The following ELOVL7 variants were observed in gnomAD, a reference collection of about 807,000 sequenced individuals.
ELOVL7 encodes ELOVL fatty acid elongase 7.
A neutral mutation model predicts 35.7 loss-of-function variants in ELOVL7; 27 were observed. The ratio of observed to expected loss-of-function variants is 0.76; its 90% CI spans 0.56 to 1.04. The LOEUF (loss-of-function observed/expected upper bound fraction) is 1.04, where lower values mean the gene tolerates loss of function less well. Ranked by LOEUF, ELOVL7 falls within the 50% of genes least tolerant of loss-of-function variation. ELOVL7 has a pLI of 0.00. For missense variants in ELOVL7, 327 were observed against 340.8 expected (o/e 0.96, Z 0.32); for synonymous variants, 113 against 114.6 (o/e 0.99, Z 0.09).
At chr5:60,835,444 C>T (rs932753503) in intron 1 of ELOVL7, among the ~76,000 whole-genome samples, 23 of 151,862 alleles carry the variant, frequency 1.5e-4, no homozygotes, top group African/African-American at 5.6e-4. Flanking sequence ...CAGGGTCTCA[C>T]TCTGTCATCG....
At chr5:60,790,593 T>C (rs1481950533) in intron 2 of ELOVL7, among the ~76,000 whole-genome samples, 1 of 152,208 alleles carries the variant, frequency 6.6e-6, no homozygotes, top group Non-Finnish European at 1.5e-5. Context: ...CAAGACTGGC[T>C]GTGGTGATGC....
At chr5:60,791,905 AT>A (rs201165009) in intron 2 of ELOVL7, among the ~76,000 whole-genome samples, 3 of 152,070 alleles carry the variant, frequency 2.0e-5, no homozygotes, top group Admixed American at 6.6e-5. Flanking sequence ...TATCTGTGCG[AT>A]TTTTTTCCTC....
rs190624300 is a variant in ELOVL7, at chr5:60,775,954, C to G, written c.65-3861G>C. Among the ~76,000 whole-genome samples the G allele has an allele frequency of 9.7e-4, 148 of 152,236 alleles. 3 individuals carry two copies. In the East Asian group the frequency reaches 0.027, roughly 28 times the overall value. ...GGCTTTATGACCAAGTCCTCAAAAG[C>G]AATTGCAACACAAATAAAAATCAAC... On this transcript the variant is annotated intron_variant, in intron 3 of 8. Coordinates refer to ENST00000508821, the MANE Select transcript of ELOVL7 (RefSeq NM_024930.3).
chr5:60,754,495 C>G lies in ELOVL7; in HGVS notation c.*129G>C. ...TTCGGGCTCTCAAATATCAGACATC[C>G]CAATAACTTACCATAAAAATACAAG... is the stretch of plus-strand genomic sequence containing the variant. On this transcript the variant is annotated 3_prime_UTR_variant, in exon 9 of 9. Coordinates refer to ENST00000508821, the MANE Select transcript of ELOVL7 (RefSeq NM_024930.3). 1 of 791,646 alleles carries G rather than the reference C, an allele frequency of 1.3e-6. No individual in the cohort carries two copies. Among genetic ancestry groups the G allele is most frequent in the Non-Finnish European group, 2.0e-6 (1 of 501,318 alleles). The allele number at this position is 791,646 out of a possible 1,614,324, so 49.0% of individuals were successfully genotyped here.
At chr5:60,841,967 C>G (rs1233018054) in intron 1 of ELOVL7, among the ~76,000 whole-genome samples, 1 of 152,154 alleles carries the variant, frequency 6.6e-6, no homozygotes, top group Non-Finnish European at 1.5e-5. Flanking sequence ...CCTGTAAAAC[C>G]TGGCTTAAAA....
Position 60,844,250 on chromosome 5 carries a change from C to T in ELOVL7, c.-176G>A, listed in dbSNP as rs10036497. On this transcript the variant is annotated 5_prime_UTR_variant, in exon 1 of 9. Transcript: ENST00000508821. ...GCGCGGAGCTCCTCACAGCGGCCCC[C>T]GCTGTCCCGGCCGCCGACTGGGTTG... 0.95 allele frequency: 145,121 copies of T among 151,964 alleles called. 69,433 individuals carry two copies. The highest frequency in any genetic ancestry group is 1 in the East Asian group (5,131 of 5,132). 9.4% of individuals were successfully genotyped at this position (151,964 alleles called of 1,614,324 possible). A position where few individuals can be genotyped will look rare whatever the true frequency, so the allele number is the denominator to read the frequency against.
chr5:60,808,744 G>A (rs1262621523), intron 1 of ELOVL7, among the ~76,000 whole-genome samples: 2 of 152,016 alleles, frequency 1.3e-5, no homozygotes, highest in Admixed American at 1.3e-4. Flanking sequence ...CTAATAAATG[G>A]ATAAACAAAC....
At chr5:60,825,999 T>C (rs1746147615) in intron 1 of ELOVL7, among the ~76,000 whole-genome samples, 1 of 152,218 alleles carries the variant, frequency 6.6e-6, no homozygotes, top group Non-Finnish European at 1.5e-5. Context: ...TGCCCAGCGG[T>C]GGACAGGCAG....
At chr5:60,793,298 A>G (rs1297802671) in intron 2 of ELOVL7, among the ~76,000 whole-genome samples, 2 of 152,162 alleles carry the variant, frequency 1.3e-5, no homozygotes, top group African/African-American at 2.4e-5. Context: ...TAAATAGGAT[A>G]ATACTGCTAC....
intron 1 of ELOVL7, among the ~76,000 whole-genome samples, chr5:60,827,320 T>C (rs1472631767): frequency 6.6e-6 from 1 of 152,198 alleles, no homozygotes; most frequent in Non-Finnish European, 1.5e-5. Context: ...ATATATAGTT[T>C]AATTCAATAT....
intron 2 of ELOVL7, among the ~76,000 whole-genome samples, chr5:60,789,644 T>A (rs1162257300): frequency 6.6e-6 from 1 of 152,174 alleles, no homozygotes; most frequent in Non-Finnish European, 1.5e-5. Context: ...ATACACATAT[T>A]CAGAAGGGCA....
At chr5:60,781,460 GA>G (rs146356694) in intron 3 of ELOVL7, among the ~76,000 whole-genome samples, 4,177 of 152,146 alleles carry the variant, frequency 0.027, 153 homozygotes, top group African/African-American at 0.077. Flanking sequence ...TCAGGAGGGG[GA>G]AAAATCAAAT....
intron 1 of ELOVL7, among the ~76,000 whole-genome samples, chr5:60,838,483 C>T (rs1746962244): frequency 6.6e-6 from 1 of 152,176 alleles, no homozygotes; most frequent in African/African-American, 2.4e-5. Context: ...CTGGCTTTAG[C>T]AATCTGCCAG....
chr5:60,780,971 G>A (rs750845965), intron 3 of ELOVL7, among the ~76,000 whole-genome samples: 3 of 152,200 alleles, frequency 2.0e-5, no homozygotes, highest in Non-Finnish European at 4.4e-5. Context: ...AGCACTTTGG[G>A]AGGCCAAGGC....
intron 7 of ELOVL7, 140 bp from the exon 8 acceptor site, chr5:60,757,785 T>A (rs573680843): frequency 1.5e-6 from 1 of 657,800 alleles, no homozygotes. Context: ...TAAACAACTA[T>A]CAAATTAGAG....
intron 1 of ELOVL7, among the ~76,000 whole-genome samples, chr5:60,819,749 G>A (rs1256588070): frequency 6.6e-6 from 1 of 152,126 alleles, no homozygotes; most frequent in African/African-American, 2.4e-5. Flanking sequence ...TCGAGCCACC[G>A]CACTCCAGCT....
chr5:60,801,374 T>C (rs1284007935), intron 1 of ELOVL7, among the ~76,000 whole-genome samples: 1 of 152,080 alleles, frequency 6.6e-6, no homozygotes, highest in Non-Finnish European at 1.5e-5. Context: ...AGTTAATGTG[T>C]CTCCTTGCAG....
At chr5:60,767,435 C>T (rs1561426167) in intron 5 of ELOVL7, among the ~76,000 whole-genome samples, 3 of 152,126 alleles carry the variant, frequency 2.0e-5, no homozygotes, top group Non-Finnish European at 4.4e-5. Flanking sequence ...TGGGTTGCTT[C>T]TACCTTTTGG....
chr5:60,768,282 G>A (rs1742365701), intron 4 of ELOVL7, among the ~76,000 whole-genome samples: 1 of 152,116 alleles, frequency 6.6e-6, no homozygotes, highest in African/African-American at 2.4e-5. Flanking sequence ...CTCTTAAAGG[G>A]AACACTTGGA....
Sources: gnomAD v4.1 joint callset for allele counts (sites outside exome capture counted in the v4.1 genomes callset) on GRCh38, gnomAD v4.1.1 for gene constraint, MANE v1.5 for transcripts, NCBI Gene and HGNC (gene_info 2026-07-23, HGNC 2026-07-21) for gene names.